The following SLC25A26 variants were observed in gnomAD, a reference collection of about 807,000 sequenced individuals.
SLC25A26 encodes the protein solute carrier family 25 member 26, also known as mitochondrial S-adenosylmethionine carrier protein.
SLC25A26 carries 36 observed loss-of-function variants against 37.8 expected under a neutral mutation model. The ratio of observed to expected loss-of-function variants is 0.95; its 90% CI spans 0.73 to 1.26. The LOEUF is 1.26. SLC25A26 is among the 50% of genes most tolerant of loss of function. The pLI is 0.00. For synonymous variants in SLC25A26, 129 were observed against 122.5 expected (o/e 1.05, Z -0.35); for missense variants, 390 against 331.1 (o/e 1.18, Z -1.38).
chr3:66,301,692 G>A (rs1224578530), intron 5 of SLC25A26, among the ~76,000 whole-genome samples: 4 of 152,170 alleles, frequency 2.6e-5, no homozygotes, highest in African/African-American at 9.6e-5. Context: ...CTATCTACAT[G>A]TTACCATTCA....
intron 6 of SLC25A26, among the ~76,000 whole-genome samples, chr3:66,354,476 A>T (rs1460690480): frequency 6.6e-6 from 1 of 152,172 alleles, no homozygotes; most frequent in African/African-American, 2.4e-5. Context: ...AATTACTTAG[A>T]TCTCTCTTTT....
intron 1 of SLC25A26, among the ~76,000 whole-genome samples, chr3:66,233,664 GTATTCT>G (rs1377974171): frequency 7.9e-5 from 12 of 151,942 alleles, no homozygotes; most frequent in African/African-American, 2.9e-4. Flanking sequence ...AAATATATAG[GTATTCT>G]TATTCTTCAG....
chr3:66,362,668 A>G (rs1248025809), intron 6 of SLC25A26, among the ~76,000 whole-genome samples, 192 bp from the exon 7 acceptor site: 2 of 152,214 alleles, frequency 1.3e-5, no homozygotes, highest in Non-Finnish European at 2.9e-5. Flanking sequence ...ACTCTAATGT[A>G]GCTGTCACTC....
At position 66,236,696 on chromosome 3, in the gene SLC25A26, T is replaced by C. The variant is rs1481421737; in HGVS notation, c.186T>C (p.Pro62=). 1.3e-6 allele frequency: 2 copies of C among 1,509,048 alleles called. No individual in the cohort carries two copies. The highest frequency in any genetic ancestry group is 2.0e-5 in the Admixed American group (1 of 50,130). The allele number at this position is 1,509,048 out of a possible 1,614,324, so 93.5% of individuals were successfully genotyped here. ...CTTCTGCTGCTATTGGATCCTTTCC[T>C]AATGGTAAAAAATTATATTCTCACT... The part of the protein sequence containing the change: ...GVPSAAIGSF[P]NAAAFFITYE... Residue 62 remains proline, a synonymous_variant, in exon 2 of 10, where the codon CCT becomes CCC. Coordinates refer to ENST00000354883, the MANE Select transcript of SLC25A26 (RefSeq NM_001379210.1).
intron 1 of SLC25A26, among the ~76,000 whole-genome samples, chr3:66,185,088 C>T (rs1265732950): frequency 6.6e-6 from 1 of 152,192 alleles, no homozygotes; most frequent in Non-Finnish European, 1.5e-5. Context: ...AAAACTGAAA[C>T]TCTGTACCCG....
chr3:66,314,337 T>C (rs1322594836), intron 5 of SLC25A26, among the ~76,000 whole-genome samples: 1 of 152,000 alleles, frequency 6.6e-6, no homozygotes. Context: ...GGATGTTGAG[T>C]TTTACTGAAG....
At chr3:66,161,062 G>A (rs2070351520) in intron 1 of SLC25A26, among the ~76,000 whole-genome samples, 1 of 151,208 alleles carries the variant, frequency 6.6e-6, no homozygotes, top group South Asian at 2.1e-4. Context: ...TTAATGGTTT[G>A]TTATCCATAT....
intron 1 of SLC25A26, among the ~76,000 whole-genome samples, chr3:66,229,997 A>G (rs1276790216): frequency 6.6e-6 from 1 of 152,248 alleles, no homozygotes; most frequent in Non-Finnish European, 1.5e-5. Context: ...ATAGCAGCAG[A>G]TAGCTGACCC....
chr3:66,262,813 A>G (rs946120052), intron 4 of SLC25A26, among the ~76,000 whole-genome samples: 1 of 152,242 alleles, frequency 6.6e-6, no homozygotes, highest in African/African-American at 2.4e-5. Flanking sequence ...CCGTTGAACT[A>G]TGTGGATGGT....
chr3:66,369,517 C>CAAAG lies in SLC25A26; in HGVS notation c.610_613dup (p.Thr205LysfsTer15), dbSNP rs1483798149. 1 of 1,603,806 alleles carries CAAAG rather than the reference C, an allele frequency of 6.2e-7. No individual in the cohort carries two copies. The highest frequency in any genetic ancestry group is 2.2e-5 in the East Asian group (1 of 44,562). On this transcript the variant is annotated frameshift_variant, in exon 8 of 10. Coordinates refer to ENST00000354883, the MANE Select transcript of SLC25A26 (RefSeq NM_001379210.1). LOFTEE classifies it high-confidence loss of function. ...GCAGTCACCACCCCTCTAGACGTGGCAAAGACAAGAATTACGCTGGCAAAG... is the reference window on the plus strand; with the variant it reads ...GCAGTCACCACCCCTCTAGACGTGGCAAAGAAAGACAAGAATTACGCTGGCAAAG...
intron 2 of SLC25A26, among the ~76,000 whole-genome samples, chr3:66,238,955 T>C (rs1200920942): frequency 6.6e-6 from 1 of 152,136 alleles, no homozygotes; most frequent in East Asian, 1.9e-4. Flanking sequence ...CTGTTTCATT[T>C]CTCTAAAAAT....
intron 1 of SLC25A26, among the ~76,000 whole-genome samples, chr3:66,203,587 A>T (rs2071136673): frequency 6.6e-6 from 1 of 152,224 alleles, no homozygotes; most frequent in African/African-American, 2.4e-5. Context: ...TTAAATTTTT[A>T]AAATAATGGG....
chr3:66,370,670 G>A (rs1403509107), intron 9 of SLC25A26, 68 bp downstream of exon 9: 12 of 1,228,602 alleles, frequency 9.8e-6, no homozygotes, highest in Non-Finnish European at 1.4e-5. Context: ...CCTAACTTTG[G>A]ATGAACACCT....
At chr3:66,162,411 A>C (rs763871450) in intron 1 of SLC25A26, among the ~76,000 whole-genome samples, 3 of 150,918 alleles carry the variant, frequency 2.0e-5, no homozygotes, top group Non-Finnish European at 4.4e-5. Flanking sequence ...ACACAGGAGA[A>C]GTGACTTCTA....
intron 5 of SLC25A26, among the ~76,000 whole-genome samples, chr3:66,335,107 A>G (rs1157292444): frequency 6.6e-6 from 1 of 152,206 alleles, no homozygotes; most frequent in Non-Finnish European, 1.5e-5. Flanking sequence ...ACTGGGGAAA[A>G]AAACAGTAAA....
At position 66,311,961 on chromosome 3, in the gene SLC25A26, C is replaced by T. The variant is rs185359879; in HGVS notation, c.454-34403C>T. Among the ~76,000 whole-genome samples, 12 of 152,244 alleles carry T rather than the reference C, an allele frequency of 7.9e-5. No individual in the cohort carries two copies. In the East Asian group the frequency reaches 2.3e-3, roughly 29 times the overall value. On this transcript the variant is annotated intron_variant, in intron 5 of 9. Coordinates refer to ENST00000354883, the MANE Select transcript of SLC25A26 (RefSeq NM_001379210.1). ...TGGGAGGTGTCTCCCCATCAGGAAG[C>T]ATGGGGGTCAGGGACCCACTTGAGG...
chr3:66,141,223 AT>A (rs750846788), intron 1 of SLC25A26, among the ~76,000 whole-genome samples: 2 of 151,198 alleles, frequency 1.3e-5, no homozygotes, highest in African/African-American at 2.4e-5. Flanking sequence ...TCTCTGTATA[AT>A]TCTTTATAAT....
chr3:66,321,187 A>G (rs1294937623), intron 5 of SLC25A26, among the ~76,000 whole-genome samples: 2 of 152,244 alleles, frequency 1.3e-5, no homozygotes, highest in East Asian at 1.9e-4. Flanking sequence ...TATTAATGCA[A>G]ATTCTCAGGT....
chr3:66,283,525 G>A (rs1244130163), intron 5 of SLC25A26, among the ~76,000 whole-genome samples: 1 of 152,096 alleles, frequency 6.6e-6, no homozygotes, highest in Non-Finnish European at 1.5e-5. Context: ...CAAGCAGTCT[G>A]CCTACCTTGG....
Sources: gnomAD v4.1 joint callset for allele counts (sites outside exome capture counted in the v4.1 genomes callset) on GRCh38, gnomAD v4.1.1 for gene constraint, MANE v1.5 for transcripts, NCBI Gene and HGNC (gene_info 2026-07-23, HGNC 2026-07-21) for gene names.